Variants in MCC observed in about 807,000 individuals in gnomAD.
MCC encodes the protein MCC regulator of Wnt signaling pathway.
Under a neutral mutation model 116.2 loss-of-function variants are expected in MCC, and 90 were observed. The ratio of observed to expected loss-of-function variants is 0.77; its 90% CI spans 0.65 to 0.92. The LOEUF (loss-of-function observed/expected upper bound fraction) is 0.92, where lower values mean the gene tolerates loss of function less well. Among genes scored for constraint, MCC ranks in the 40% least tolerant of loss-of-function variants. The pLI is 0.00. For synonymous variants in MCC, 578 were observed against 510.5 expected (o/e 1.13, Z -1.78); for missense variants, 1,516 against 1,312.2 (o/e 1.16, Z -2.40).
chr5:113,328,144 T>C (rs184268729), intron 3 of MCC, among the ~76,000 whole-genome samples: 1 of 152,166 alleles, frequency 6.6e-6, no homozygotes, highest in Admixed American at 6.5e-5. Flanking sequence ...ATAAATGACA[T>C]AGTAAGTGTT....
chr5:113,304,210 C>T (rs1258790641), intron 3 of MCC, among the ~76,000 whole-genome samples: 2 of 152,188 alleles, frequency 1.3e-5, no homozygotes, highest in Admixed American at 6.5e-5. Flanking sequence ...ATGAAGTCAG[C>T]TACACTGCTT....
At chr5:113,471,598 T>A (rs1407026523) in intron 1 of MCC, among the ~76,000 whole-genome samples, 2 of 152,030 alleles carry the variant, frequency 1.3e-5, no homozygotes, top group Non-Finnish European at 2.9e-5. Context: ...TGCCTCCCAG[T>A]TAGGCTACTC....
intron 2 of MCC, among the ~76,000 whole-genome samples, chr5:113,344,383 G>A (rs1416892124): frequency 6.6e-6 from 1 of 152,112 alleles, no homozygotes; most frequent in African/African-American, 2.4e-5. Flanking sequence ...ATTCTTCCTA[G>A]GCAGATCCTA....
chr5:113,457,909 C>T (rs112859187), intron 1 of MCC, among the ~76,000 whole-genome samples: 5,345 of 148,808 alleles, frequency 0.036, 137 homozygotes, highest in African/African-American at 0.071. Context: ...ATGCACCAAT[C>T]GACACTCTGT....
At chr5:113,131,164 G>C (rs1292846519) in intron 5 of MCC, among the ~76,000 whole-genome samples, 1 of 152,258 alleles carries the variant, frequency 6.6e-6, no homozygotes, top group Non-Finnish European at 1.5e-5. Context: ...GGTAGTGAGA[G>C]GCTGATGTTA....
rs67121130 is a variant in MCC, at chr5:113,354,439, CTTTTTT to C, written c.416-13715_416-13710del. 3.2e-3 allele frequency among the ~76,000 whole-genome samples: 461 copies of C among 146,146 alleles called. 5 individuals carry two copies. Among genetic ancestry groups the C allele is most frequent in the African/African-American group, 0.011 (432 of 39,704 alleles). ...CATCTGAGGGATTCTTTTCCTTTTT[CTTTTTT>C]TTTTTCTGAGACAGAGTCTTGCTCT... On this transcript the variant is annotated intron_variant, in intron 2 of 18. Transcript: ENST00000408903.
At chr5:113,169,788 T>C (rs1250973679) in intron 3 of MCC, among the ~76,000 whole-genome samples, 1 of 152,166 alleles carries the variant, frequency 6.6e-6, no homozygotes, top group African/African-American at 2.4e-5. Context: ...TGAGTGTTTG[T>C]AGTCAACAAT....
At chr5:113,032,132 C>T (rs781418566) in intron 17 of MCC, among the ~76,000 whole-genome samples, 5 of 152,164 alleles carry the variant, frequency 3.3e-5, no homozygotes, top group Admixed American at 2.6e-4. Context: ...TTACAGGGGC[C>T]GGGCGCTGTG....
chr5:113,262,640 C>G (rs1253804200), intron 3 of MCC, among the ~76,000 whole-genome samples: 2 of 152,164 alleles, frequency 1.3e-5, no homozygotes, highest in East Asian at 3.9e-4. Flanking sequence ...GATAAAGTAA[C>G]TAGTCCCCAG....
chr5:113,159,103 G>C (rs1760339784), intron 3 of MCC, among the ~76,000 whole-genome samples: 1 of 152,124 alleles, frequency 6.6e-6, no homozygotes, highest in African/African-American at 2.4e-5. Context: ...GAAGCGTGGG[G>C]CTCAGCTTGG....
intron 2 of MCC, among the ~76,000 whole-genome samples, chr5:113,371,545 T>C (rs1381654772): frequency 6.6e-6 from 1 of 152,212 alleles, no homozygotes; most frequent in Non-Finnish European, 1.5e-5. Context: ...CAAATATGCA[T>C]GCATAAAATG....
intron 3 of MCC, among the ~76,000 whole-genome samples, chr5:113,236,270 T>C (rs1353493195): frequency 1.3e-5 from 2 of 152,218 alleles, no homozygotes; most frequent in Admixed American, 6.5e-5. Flanking sequence ...TGAAATAATA[T>C]TGCTGCATTT....
chr5:113,136,355 A>G (rs6899273), intron 5 of MCC, among the ~76,000 whole-genome samples: 142,904 of 152,220 alleles, frequency 0.94, 67,198 homozygotes, highest in Non-Finnish European at 0.97. Flanking sequence ...AAATATAAAT[A>G]AAAATAGACC....
Position 113,269,312 on chromosome 5 carries a change from C to A in MCC, c.627+71207G>T, listed in dbSNP as rs957553276. 3 of 447,244 alleles carry A rather than the reference C, an allele frequency of 6.7e-6. No individual in the cohort carries two copies. The African/African-American group carries it at 1.1e-4, about 17-fold the overall frequency. 27.7% of individuals were successfully genotyped at this position (447,244 alleles called of 1,614,324 possible). On this transcript the variant is annotated intron_variant, in intron 3 of 18. Coordinates refer to ENST00000408903, the MANE Select transcript of MCC (RefSeq NM_001085377.2). ...GCCAATGAACTCTTTTTCAATGATA[C>A]CTTTTTCAATGATACCTTAACTGAT...
At chr5:113,294,487 T>C in intron 3 of MCC, 1 of 1,586,658 alleles carries the variant, frequency 6.3e-7, no homozygotes, top group African/African-American at 1.3e-5. Context: ...TCTGCCACAT[T>C]TTAGTCTAGA....
chr5:113,063,925 C>A, intron 14 of MCC, 59 bp downstream of exon 14: 1 of 1,527,020 alleles, frequency 6.5e-7, no homozygotes, highest in South Asian at 1.3e-5. Flanking sequence ...CACACCAAGT[C>A]CAGTGAACAG....
intron 3 of MCC, among the ~76,000 whole-genome samples, chr5:113,240,571 C>T (rs1764326630): frequency 6.6e-6 from 1 of 152,174 alleles, no homozygotes; most frequent in East Asian, 1.9e-4. Context: ...TCCTCTGATA[C>T]GTCTTCTTTA....
chr5:113,220,741 T>C (rs1286263471), intron 3 of MCC, among the ~76,000 whole-genome samples: 1 of 152,252 alleles, frequency 6.6e-6, no homozygotes, highest in Admixed American at 6.5e-5. Flanking sequence ...TAGGATTTTC[T>C]ACACAGACAG....
chr5:113,178,161 G>A (rs1003088252), intron 3 of MCC, among the ~76,000 whole-genome samples: 11 of 152,182 alleles, frequency 7.2e-5, no homozygotes, highest in African/African-American at 1.7e-4. Context: ...TTTAGAATGC[G>A]TTCCTGAATG....
Sources: gnomAD v4.1 joint callset for allele counts (sites outside exome capture counted in the v4.1 genomes callset) on GRCh38, gnomAD v4.1.1 for gene constraint, MANE v1.5 for transcripts, NCBI Gene and HGNC (gene_info 2026-07-23, HGNC 2026-07-21) for gene names.